The following CDKN2C variants were observed in gnomAD, a reference collection of about 807,000 sequenced individuals.
CDKN2C encodes the protein cyclin dependent kinase inhibitor 2C.
CDKN2C carries 5 observed loss-of-function variants against 11.0 expected under a neutral mutation model. That is an observed-to-expected ratio of 0.45 (90% CI 0.24 to 0.95). CDKN2C has a LOEUF of 0.95. Among genes scored for constraint, CDKN2C ranks in the 40% least tolerant of loss-of-function variants. The probability of loss-of-function intolerance (pLI) is 0.21; values close to 1 mark genes in which losing one functional copy is unlikely to be tolerated. For missense variants in CDKN2C, 161 were observed against 211.9 expected, an observed-to-expected ratio of 0.76 and a Z score of 1.49; for synonymous variants, 79 against 88.3, an observed-to-expected ratio of 0.89 and a Z score of 0.59.
Position 50,974,398 on chromosome 1 carries a change from A to C in CDKN2C, c.*128A>C, listed in dbSNP as rs544613607. The C allele has an allele frequency of 1.1e-6, 1 of 892,422 alleles. No individual in the cohort carries two copies. Among genetic ancestry groups the C allele is most frequent in the African/African-American group, 1.7e-5 (1 of 59,960 alleles). The allele number at this position is 892,422 out of a possible 1,614,324, so 55.3% of individuals were successfully genotyped here. On this transcript the variant is annotated 3_prime_UTR_variant, in exon 2 of 2. Coordinates refer to ENST00000371761, the MANE Select transcript of CDKN2C (RefSeq NM_078626.3). Reference sequence around the variant, plus strand: ...AAGCAGCTAAATTTTCTGAAACTGCATAAGTGAAAATCTTACAACAGGCTT... The same window carrying C: ...AAGCAGCTAAATTTTCTGAAACTGCCTAAGTGAAAATCTTACAACAGGCTT...
Position 50,973,972 on chromosome 1 carries a change from G to GTTTCGC in CDKN2C, c.211_216dup (p.Phe71_Ala72dup). On this transcript the variant is annotated inframe_insertion, in exon 2 of 2. Coordinates refer to ENST00000371761, the MANE Select transcript of CDKN2C (RefSeq NM_078626.3). ...AATCCCGATTTGAAAGACCGAACTG[G>GTTTCGC]TTTCGCTGTCATTCATGATGCGGCC... is the stretch of plus-strand genomic sequence containing the variant. 1 of 1,614,186 alleles carries GTTTCGC rather than the reference G, an allele frequency of 6.2e-7. No individual in the cohort carries two copies. The highest frequency in any genetic ancestry group is 8.5e-7 in the Non-Finnish European group (1 of 1,180,030).
Position 50,970,364 on chromosome 1 carries a change from A to G in CDKN2C, c.-5A>G. ...ATCTTTTCCTGATCGTCAGGACCCT[A>G]AAGAATGGCCGAGCCTTGGGGGAAC... is the stretch of plus-strand genomic sequence containing the variant. On this transcript the variant is annotated 5_prime_UTR_variant, in exon 1 of 2. Transcript: ENST00000371761. 1.2e-6 allele frequency: 2 copies of G among 1,614,098 alleles called. No homozygotes were observed. The highest frequency in any genetic ancestry group is 1.7e-6 in the Non-Finnish European group (2 of 1,180,020).
intron 1 of CDKN2C, among the ~76,000 whole-genome samples, chr1:50,965,099 T>TAG (rs1178858175): frequency 3.3e-5 from 5 of 151,892 alleles, no homozygotes; most frequent in African/African-American, 9.7e-5. Flanking sequence ...GATAGATAGA[T>TAG]ATGCATCATA....
At chr1:50,970,643 TG>T in intron 1 of CDKN2C, 146 bp downstream of exon 1, 1 of 863,452 alleles carries the variant, frequency 1.2e-6, no homozygotes, top group Admixed American at 2.1e-5. Flanking sequence ...TATCTTTAAG[TG>T]GATGCAACTT....
upstream of CDKN2C, among the ~76,000 whole-genome samples, chr1:50,965,963 CTG>C (rs1183231565): frequency 3.3e-5 from 5 of 152,044 alleles, no homozygotes; most frequent in Non-Finnish European, 7.4e-5. Context: ...CATTCAGAAA[CTG>C]TACCTACTTG....
intron 1 of CDKN2C, among the ~76,000 whole-genome samples, chr1:50,972,230 G>A (rs2487827): frequency 1 from 151,736 of 152,174 alleles, 75,652 homozygotes; most frequent in Middle Eastern, 1. Context: ...AAATCTTTAG[G>A]GACAGTTGTG....
intron 1 of CDKN2C, 141 bp downstream of exon 1, chr1:50,970,638 T>TTA: frequency 2.2e-6 from 2 of 929,694 alleles, no homozygotes; most frequent in Non-Finnish European, 3.4e-6. Flanking sequence ...TTTTATATCT[T>TTA]TAAGTGGATG....
Position 50,970,254 on chromosome 1 carries a change from A to G in CDKN2C, c.-115A>G. ...TACCAAGCTCTACTCCAGATTAACC[A>G]TCCCAGTCCTTCTGTCAGTCTCCGA... On this transcript the variant is annotated 5_prime_UTR_variant, in exon 1 of 2. Transcript: ENST00000371761. 1.5e-6 allele frequency: 2 copies of G among 1,309,890 alleles called. No individual in the cohort carries two copies. The highest frequency in any genetic ancestry group is 2.1e-6 in the Non-Finnish European group (2 of 933,440). 81.1% of individuals were successfully genotyped at this position (1,309,890 alleles called of 1,614,324 possible).
chr1:50,965,057 TATAGATAGATAG>T (rs71578051), intron 1 of CDKN2C, among the ~76,000 whole-genome samples: 27 of 147,324 alleles, frequency 1.8e-4, no homozygotes, highest in South Asian at 6.6e-4. Flanking sequence ...GTCTCAAAAA[TATAGATAGATAG>T]ATAGATAGAT....
intron 1 of CDKN2C, among the ~76,000 whole-genome samples, chr1:50,964,713 A>T (rs533675765): frequency 6.6e-6 from 1 of 152,298 alleles, no homozygotes; most frequent in South Asian, 2.1e-4. Context: ...CCTCACCTGA[A>T]ATACGGGGAT....
upstream of CDKN2C, among the ~76,000 whole-genome samples, chr1:50,967,206 A>T (rs1306500265): frequency 1.3e-5 from 2 of 152,254 alleles, no homozygotes; most frequent in Non-Finnish European, 2.9e-5. Context: ...GTATGAAAAG[A>T]TTACACAGTT....
At chr1:50,972,181 G>A (rs964960467) in intron 1 of CDKN2C, among the ~76,000 whole-genome samples, 1 of 152,062 alleles carries the variant, frequency 6.6e-6, no homozygotes, top group Non-Finnish European at 1.5e-5. Context: ...CAAGGTATCT[G>A]TCTCTTATTT....
chr1:50,967,297 A>G (rs113227347), upstream of CDKN2C, among the ~76,000 whole-genome samples: 459 of 152,372 alleles, frequency 3.0e-3, 3 homozygotes, highest in African/African-American at 0.01. Flanking sequence ...TGAAACGTCT[A>G]CATATATGTA....
chr1:50,973,198 G>T (rs1439980672), intron 1 of CDKN2C, among the ~76,000 whole-genome samples: 1 of 152,046 alleles, frequency 6.6e-6, no homozygotes, highest in Admixed American at 6.5e-5. Flanking sequence ...TAAAATGAAG[G>T]ATTCTAAACA....
chr1:50,968,086 A>C (rs1570200551), upstream of CDKN2C: 1 of 151,640 alleles, frequency 6.6e-6, no homozygotes, highest in Non-Finnish European at 1.5e-5. Flanking sequence ...TTTTCCCTCC[A>C]CCCCCGCGGC....
intron 1 of CDKN2C, among the ~76,000 whole-genome samples, chr1:50,961,414 A>G (rs1234476048): frequency 6.6e-6 from 1 of 152,212 alleles, no homozygotes; most frequent in African/African-American, 2.4e-5. Flanking sequence ...GAAATTGACA[A>G]CCTCTGTAAC....
At position 50,970,336 on chromosome 1, in the gene CDKN2C, T is replaced by G; in HGVS notation, c.-33T>G. The G allele has an allele frequency of 6.2e-7, 1 of 1,613,418 alleles. No individual in the cohort carries two copies. Among genetic ancestry groups the G allele is most frequent in the Non-Finnish European group, 8.5e-7 (1 of 1,179,986 alleles). The stretch of plus-strand genomic sequence containing the variant: ...AAAGGGGAAAAAGAAAAACGACTAA[T>G]TCATCTTTTCCTGATCGTCAGGACC... On this transcript the variant is annotated 5_prime_UTR_variant, in exon 1 of 2. Coordinates refer to ENST00000371761, the MANE Select transcript of CDKN2C (RefSeq NM_078626.3).
Position 50,970,312 on chromosome 1 carries a change from A to G in CDKN2C, c.-57A>G. The G allele has an allele frequency of 6.2e-7, 1 of 1,608,568 alleles. No homozygotes were observed. Among genetic ancestry groups the G allele is most frequent in the Non-Finnish European group, 8.5e-7 (1 of 1,178,302 alleles). On this transcript the variant is annotated 5_prime_UTR_variant, in exon 1 of 2. Transcript: ENST00000371761. Reference sequence around the variant, plus strand: ...ATGCAGCCTGGTTAGGAGCAAAGGAAAGGGGAAAAAGAAAAACGACTAATT... The same window carrying G: ...ATGCAGCCTGGTTAGGAGCAAAGGAGAGGGGAAAAAGAAAAACGACTAATT...
In CDKN2C at chr1:50,974,069, A is replaced by C. The variant is rs751841922; in HGVS notation, c.306A>C (p.Glu102Asp). The change falls in exon 2 of 2, where the codon GAA becomes GAC. Residue 102 changes from glutamate to aspartate, a missense_variant. Coordinates refer to ENST00000371761, the MANE Select transcript of CDKN2C (RefSeq NM_078626.3). ...CTGATGTTAACATCGAGGATAATGAAGGGAACCTGCCCTTGCACTTGGCTG... is the reference window on the plus strand; with the variant it reads ...CTGATGTTAACATCGAGGATAATGACGGGAACCTGCCCTTGCACTTGGCTG... ...FQADVNIEDN[E>D]GNLPLHLAAK... 1.9e-6 allele frequency: 3 copies of C among 1,614,082 alleles called. No individual in the cohort carries two copies. In the African/African-American group the frequency reaches 4.0e-5, roughly 22 times the overall value.
Sources: allele counts gnomAD v4.1 joint callset (sites outside exome capture counted in the v4.1 genomes callset), GRCh38; gene constraint gnomAD v4.1.1; transcripts MANE v1.5; gene names NCBI Gene and HGNC (gene_info 2026-07-23, HGNC 2026-07-21).